Variants in PIP5K1B observed in about 807,000 individuals in gnomAD.
PIP5K1B encodes phosphatidylinositol 4-phosphate 5-kinase type-1 beta.
Under a neutral mutation model 67.0 loss-of-function variants are expected in PIP5K1B, and 42 were observed. The ratio of observed to expected loss-of-function variants is 0.63; its 90% confidence interval spans 0.49 to 0.81. PIP5K1B has a LOEUF of 0.81. Among genes scored for constraint, PIP5K1B ranks in the 30% least tolerant of loss-of-function variants. PIP5K1B has a pLI of 0.00. For missense variants in PIP5K1B, 459 were observed against 646.3 expected (o/e 0.71, Z 3.14); for synonymous variants, 214 against 231.4 (o/e 0.92, Z 0.68).
intron 1 of PIP5K1B, among the ~76,000 whole-genome samples, chr9:68,736,704 G>C (rs907572425): frequency 4.6e-5 from 7 of 152,112 alleles, no homozygotes; most frequent in Non-Finnish European, 1.0e-4. Context: ...CCTCACCTCT[G>C]CTTCAGTCAC....
chr9:68,915,735 A>G (rs1011805117), intron 8 of PIP5K1B, among the ~76,000 whole-genome samples: 2 of 152,170 alleles, frequency 1.3e-5, no homozygotes, highest in African/African-American at 2.4e-5. Context: ...CTCTTAAGTG[A>G]TAAGATTCTA....
rs1411123491 is a variant in PIP5K1B at position 68,868,900 on chromosome 9, CACTTCAGGATTTAT to C, written c.200+4934_200+4947del. Among the ~76,000 whole-genome samples, 443 of 152,322 alleles carry C rather than the reference CACTTCAGGATTTAT, an allele frequency of 2.9e-3. 3 individuals carry two copies. The highest frequency in any genetic ancestry group is 7.3e-3 in the Admixed American group (112 of 15,310). On this transcript the variant is annotated intron_variant, in intron 5 of 15. Transcript: ENST00000265382. Reference sequence around the variant, plus strand: ...ACTGCCCTTGGGTTTGACCCACATGCACTTCAGGATTTATTTGGACAGCCAGGGAATACCCACCT... The same window carrying C: ...ACTGCCCTTGGGTTTGACCCACATGCTTGGACAGCCAGGGAATACCCACCT...
At chr9:68,829,916 C>T (rs778960881) in intron 4 of PIP5K1B, among the ~76,000 whole-genome samples, 4 of 152,090 alleles carry the variant, frequency 2.6e-5, no homozygotes, top group Non-Finnish European at 4.4e-5. Context: ...TCTATGGGGA[C>T]GGAGCACTGG....
At chr9:68,941,432 T>C (rs903199388) in intron 14 of PIP5K1B, among the ~76,000 whole-genome samples, 1 of 152,170 alleles carries the variant, frequency 6.6e-6, no homozygotes, top group Non-Finnish European at 1.5e-5. Context: ...GATACTCCAT[T>C]TGCCCTGATA....
chr9:68,991,052 G>A (rs1830340733), intron 14 of PIP5K1B, 88 bp from the exon 15 acceptor site: 1 of 757,748 alleles, frequency 1.3e-6, no homozygotes, highest in East Asian at 2.5e-5. Context: ...CCCAAAAGCT[G>A]CCCACCTCAC....
At chr9:68,995,999 A>C (rs1830587586) in intron 15 of PIP5K1B, among the ~76,000 whole-genome samples, 1 of 152,220 alleles carries the variant, frequency 6.6e-6, no homozygotes, top group Admixed American at 6.5e-5. Context: ...AAACGTGGTC[A>C]GGTTTCTCTT....
chr9:69,001,338 C>T (rs1331343497), intron 15 of PIP5K1B, among the ~76,000 whole-genome samples: 2 of 152,076 alleles, frequency 1.3e-5, no homozygotes, highest in Non-Finnish European at 2.9e-5. Context: ...AAACCAGTAC[C>T]ATATTCCTCC....
intron 1 of PIP5K1B, among the ~76,000 whole-genome samples, chr9:68,723,463 T>C (rs534584942): frequency 1.3e-5 from 2 of 152,210 alleles, no homozygotes; most frequent in Admixed American, 6.5e-5. Flanking sequence ...ACCAATAGTA[T>C]ACAAATATTG....
At chr9:68,954,372 G>A (rs1439323107) in intron 14 of PIP5K1B, among the ~76,000 whole-genome samples, 1 of 152,128 alleles carries the variant, frequency 6.6e-6, no homozygotes, top group Non-Finnish European at 1.5e-5. Flanking sequence ...ATCTGCCTCT[G>A]TTTCTTCGTC....
At chr9:68,929,182 AAAAAGT>A (rs1173013201) in intron 12 of PIP5K1B, among the ~76,000 whole-genome samples, 1 of 151,782 alleles carries the variant, frequency 6.6e-6, no homozygotes, top group East Asian at 1.9e-4. Flanking sequence ...AAAAAAAAAA[AAAAAGT>A]AAGGTGACTG....
chr9:68,998,052 C>A (rs963282456), intron 15 of PIP5K1B, among the ~76,000 whole-genome samples: 1 of 146,836 alleles, frequency 6.8e-6, no homozygotes, highest in African/African-American at 2.5e-5. Context: ...TTCTTTTTTT[C>A]TTTTTTTCTT....
intron 14 of PIP5K1B, among the ~76,000 whole-genome samples, chr9:68,952,766 T>C (rs1278258984): frequency 6.6e-6 from 1 of 152,140 alleles, no homozygotes; most frequent in African/African-American, 2.4e-5. Context: ...TTTCTGATCT[T>C]CTGTAAATGG....
chr9:68,963,396 G>A lies in PIP5K1B; in HGVS notation c.1502+22606G>A, dbSNP rs148491218. ...TGCATGCCTGTAACCCCAGCTACTC[G>A]AGAGGCTGAGGCAGGAGAATCACTT... On this transcript the variant is annotated intron_variant, in intron 14 of 15. Transcript: ENST00000265382. The A allele has an allele frequency of 2.5e-3, 754 of 302,772 alleles. 3 individuals carry two copies. The highest frequency in any genetic ancestry group is 3.3e-3 in the Non-Finnish European group (500 of 151,246). The allele number at this position is 302,772 out of a possible 1,614,324, so 18.8% of individuals were successfully genotyped here.
chr9:68,879,054 C>T (rs1254347649), intron 6 of PIP5K1B, among the ~76,000 whole-genome samples: 1 of 152,062 alleles, frequency 6.6e-6, no homozygotes, highest in Non-Finnish European at 1.5e-5. Context: ...CTCAAATAAA[C>T]AAGCTTCTAA....
At chr9:68,997,578 T>C (rs1452175511) in intron 15 of PIP5K1B, among the ~76,000 whole-genome samples, 1 of 152,162 alleles carries the variant, frequency 6.6e-6, no homozygotes, top group Non-Finnish European at 1.5e-5. Flanking sequence ...GATCACATTG[T>C]TGAGAAGTGA....
chr9:68,993,675 TG>T (rs1441018738), intron 15 of PIP5K1B, among the ~76,000 whole-genome samples: 1 of 152,240 alleles, frequency 6.6e-6, no homozygotes, highest in Non-Finnish European at 1.5e-5. Flanking sequence ...GGTCCCATGT[TG>T]GATTCATCTG....
At chr9:68,914,835 A>T (rs1293576219) in intron 8 of PIP5K1B, among the ~76,000 whole-genome samples, 1 of 152,222 alleles carries the variant, frequency 6.6e-6, no homozygotes, top group East Asian at 1.9e-4. Context: ...TTCTAAAGGA[A>T]TTAGGATTTG....
intron 12 of PIP5K1B, among the ~76,000 whole-genome samples, chr9:68,924,019 G>A (rs1049098648): frequency 6.7e-6 from 1 of 149,618 alleles, no homozygotes; most frequent in African/African-American, 2.5e-5. Context: ...ACCTCAAGAT[G>A]AATGAAAAGG....
chr9:68,750,239 T>C (rs1050164203), intron 2 of PIP5K1B, among the ~76,000 whole-genome samples: 5 of 152,136 alleles, frequency 3.3e-5, no homozygotes, highest in Non-Finnish European at 7.3e-5. Context: ...AAGATGCACA[T>C]GTTTTAATAT....
Sources: gnomAD v4.1 joint callset for allele counts (sites outside exome capture counted in the v4.1 genomes callset) on GRCh38, gnomAD v4.1.1 for gene constraint, MANE v1.5 for transcripts, NCBI Gene and HGNC (gene_info 2026-07-23, HGNC 2026-07-21) for gene names.